The following INPP4B variants were observed in gnomAD, a reference collection of about 807,000 sequenced individuals.
INPP4B encodes the protein inositol polyphosphate 4-phosphatase type II.
Under a neutral mutation model 122.5 loss-of-function variants are expected in INPP4B, and 55 were observed. The ratio of observed to expected loss-of-function variants is 0.45; its 90% CI spans 0.36 to 0.56. INPP4B has a LOEUF of 0.56. Among genes scored for constraint, INPP4B ranks in the 20% least tolerant of loss-of-function variants. The pLI is 0.00. For missense variants in INPP4B, 1,000 were observed against 1,097.7 expected (o/e 0.91, Z 1.26); for synonymous variants, 403 against 388.7 (o/e 1.04, Z -0.43).
intron 7 of INPP4B, among the ~76,000 whole-genome samples, chr4:142,352,090 G>T (rs1782089464): frequency 6.6e-6 from 1 of 151,884 alleles, no homozygotes; most frequent in South Asian, 2.1e-4. Context: ...AAATTTTCCA[G>T]ACATGAGCTT....
intron 2 of INPP4B, among the ~76,000 whole-genome samples, chr4:142,638,794 C>T (rs940046280): frequency 6.6e-6 from 1 of 152,108 alleles, no homozygotes; most frequent in Non-Finnish European, 1.5e-5. Context: ...GATCCACCCA[C>T]CTTGGCCTCC....
chr4:142,528,403 C>T (rs1030800447), intron 2 of INPP4B, among the ~76,000 whole-genome samples: 1 of 152,010 alleles, frequency 6.6e-6, no homozygotes, highest in African/African-American at 2.4e-5. Flanking sequence ...GGATTCAGTT[C>T]CTTGCAGGTT....
intron 14 of INPP4B, chr4:142,202,602 TGAAAGGCCAAA>T (rs1385792280): frequency 1.3e-5 from 3 of 225,502 alleles, no homozygotes; most frequent in Non-Finnish European, 2.2e-5. Flanking sequence ...GATTATAAAA[TGAAAGGCCAAA>T]GAGGTTAGCT....
At chr4:142,558,793 TA>T (rs34151070) in intron 2 of INPP4B, among the ~76,000 whole-genome samples, 996 of 75,422 alleles carry the variant, frequency 0.013, 8 homozygotes, top group African/African-American at 0.023. Context: ...AGACTCCCTC[TA>T]AAAAAAAAAA....
intron 9 of INPP4B, among the ~76,000 whole-genome samples, chr4:142,291,232 AC>A (rs1363801676): frequency 6.6e-6 from 1 of 152,208 alleles, no homozygotes; most frequent in African/African-American, 2.4e-5. Context: ...CTCATCTCTT[AC>A]AAGATGGAGG....
intron 7 of INPP4B, among the ~76,000 whole-genome samples, chr4:142,393,447 A>G (rs1490618098): frequency 6.6e-6 from 1 of 152,202 alleles, no homozygotes; most frequent in Non-Finnish European, 1.5e-5. Context: ...GGTACCCTCT[A>G]TTCAAGTCCT....
At chr4:142,042,919 C>T (rs1452291727) in intron 25 of INPP4B, among the ~76,000 whole-genome samples, 1 of 152,090 alleles carries the variant, frequency 6.6e-6, no homozygotes, top group Non-Finnish European at 1.5e-5. Context: ...TGCTTCTGTT[C>T]TTTTTTGCTG....
intron 2 of INPP4B, among the ~76,000 whole-genome samples, chr4:142,495,515 T>A (rs1430077945): frequency 6.7e-6 from 1 of 148,904 alleles, no homozygotes; most frequent in Middle Eastern, 3.2e-3. Context: ...AAATGGCAAA[T>A]ATATATATAT....
intron 1 of INPP4B, among the ~76,000 whole-genome samples, chr4:142,753,023 A>C (rs1284268984): frequency 1.3e-5 from 2 of 152,096 alleles, no homozygotes; most frequent in African/African-American, 4.8e-5. Context: ...AGGCAGAAAC[A>C]GCTCTGTGCA....
intron 25 of INPP4B, among the ~76,000 whole-genome samples, chr4:142,050,515 C>T (rs1014741627): frequency 4.6e-5 from 7 of 151,992 alleles, no homozygotes; most frequent in African/African-American, 1.7e-4. Context: ...GTACACAGCA[C>T]ATAGTGATTC....
intron 1 of INPP4B, among the ~76,000 whole-genome samples, chr4:142,729,525 G>A (rs930767617): frequency 6.6e-6 from 1 of 152,114 alleles, no homozygotes; most frequent in Non-Finnish European, 1.5e-5. Context: ...AAAAAGGAAA[G>A]GTGAGGAAAC....
At chr4:142,708,006 T>C (rs749268779) in intron 2 of INPP4B, among the ~76,000 whole-genome samples, 28 of 152,178 alleles carry the variant, frequency 1.8e-4, no homozygotes, top group Non-Finnish European at 2.6e-4. Flanking sequence ...TGAGAACTTA[T>C]TGGGAAATGG....
At chr4:142,385,419 T>C (rs1202419376) in intron 7 of INPP4B, among the ~76,000 whole-genome samples, 2 of 151,590 alleles carry the variant, frequency 1.3e-5, no homozygotes, top group African/African-American at 4.8e-5. Context: ...TAGAGCTCAG[T>C]ATGAACTTAG....
chr4:142,608,153 G>A (rs888399997), intron 2 of INPP4B, among the ~76,000 whole-genome samples: 1 of 152,158 alleles, frequency 6.6e-6, no homozygotes, highest in Non-Finnish European at 1.5e-5. Flanking sequence ...ATTATAAACA[G>A]TAGAGTGACT....
intron 11 of INPP4B, among the ~76,000 whole-genome samples, chr4:142,251,767 C>A (rs1170346644): frequency 6.6e-6 from 1 of 152,170 alleles, no homozygotes; most frequent in Non-Finnish European, 1.5e-5. Flanking sequence ...GATGCCTCTC[C>A]TTCCCCATTC....
chr4:142,551,570 T>C (rs1727982240), intron 2 of INPP4B, among the ~76,000 whole-genome samples: 1 of 152,192 alleles, frequency 6.6e-6, no homozygotes, highest in Non-Finnish European at 1.5e-5. Context: ...TCCTCAAACT[T>C]ATTATAATTT....
intron 3 of INPP4B, among the ~76,000 whole-genome samples, chr4:142,433,197 T>C (rs1809701719): frequency 6.6e-6 from 1 of 152,170 alleles, no homozygotes. Flanking sequence ...CTCAAGAAAG[T>C]AACTGCATTT....
chr4:142,282,007 C>G (rs1033731200), intron 9 of INPP4B, among the ~76,000 whole-genome samples: 1 of 152,004 alleles, frequency 6.6e-6, no homozygotes, highest in Non-Finnish European at 1.5e-5. Flanking sequence ...AATAATGTAA[C>G]AGAACAAAAT....
intron 2 of INPP4B, among the ~76,000 whole-genome samples, chr4:142,574,382 C>T (rs752653007): frequency 6.6e-6 from 1 of 152,104 alleles, no homozygotes; most frequent in Non-Finnish European, 1.5e-5. Context: ...TCCAAGCTTC[C>T]TCACACTGCC....
Sources: allele counts gnomAD v4.1 joint callset (sites outside exome capture counted in the v4.1 genomes callset), GRCh38; gene constraint gnomAD v4.1.1; transcripts MANE v1.5; gene names NCBI Gene and HGNC (gene_info 2026-07-23, HGNC 2026-07-21).